DOCK4: variants seen among roughly 807,000 people sequenced by gnomAD.
DOCK4 encodes the protein dedicator of cytokinesis protein 4.
DOCK4 carries 97 observed loss-of-function variants against 268.1 expected under a neutral mutation model. That is an observed-to-expected ratio of 0.36 (90% CI 0.31 to 0.43). DOCK4 has a LOEUF of 0.43. DOCK4 is among the 20% of genes least tolerant of loss of function. The pLI is 1.00. For missense variants in DOCK4, 2,145 were observed against 2,455.7 expected, an observed-to-expected ratio of 0.87 and a Z score of 2.67; for synonymous variants, 954 against 887.2, an observed-to-expected ratio of 1.08 and a Z score of -1.34.
At chr7:111,747,245 A>C in intron 43 of DOCK4, 22 bp downstream of exon 43, 1 of 1,592,996 alleles carries the variant, frequency 6.3e-7, no homozygotes, top group South Asian at 1.1e-5. Context: ...CTTTCTCTGA[A>C]ACAACAATAC....
chr7:112,141,992 C>A (rs1814978991), intron 1 of DOCK4, among the ~76,000 whole-genome samples: 2 of 152,126 alleles, frequency 1.3e-5, no homozygotes, highest in South Asian at 4.1e-4. Context: ...CTACTTGCAA[C>A]TAATTCAAAT....
At chr7:111,778,701 G>C (rs1362874860) in intron 35 of DOCK4, among the ~76,000 whole-genome samples, 2 of 151,948 alleles carry the variant, frequency 1.3e-5, no homozygotes, top group East Asian at 3.9e-4. Flanking sequence ...TTTTAACTTG[G>C]CCGATTGATA....
chr7:112,056,122 C>G (rs112863031), intron 1 of DOCK4, among the ~76,000 whole-genome samples: 1 of 152,080 alleles, frequency 6.6e-6, no homozygotes, highest in Non-Finnish European at 1.5e-5. Context: ...GAAAGGGATA[C>G]GGCAGGTGAT....
intron 45 of DOCK4, 35 bp from the exon 46 acceptor site, chr7:111,741,696 T>C (rs376606033): frequency 6.2e-7 from 1 of 1,604,294 alleles, no homozygotes; most frequent in African/African-American, 1.3e-5. Context: ...CTCATTACAG[T>C]AATGATTTGG....
intron 11 of DOCK4, among the ~76,000 whole-genome samples, chr7:111,939,363 A>T (rs1027452771): frequency 6.6e-6 from 1 of 151,450 alleles, no homozygotes; most frequent in Non-Finnish European, 1.5e-5. Context: ...AAAATACAAA[A>T]AATTAGCTGG....
intron 44 of DOCK4, among the ~76,000 whole-genome samples, chr7:111,745,683 TAAAAAAAAAAAAAA>T (rs781530065): frequency 1.2e-3 from 60 of 49,616 alleles, no homozygotes; most frequent in Middle Eastern, 0.053. Flanking sequence ...GACTCCGTCT[TAAAAAAAAAAAAAA>T]AAAAAAAAAA....
At chr7:111,768,831 A>T (rs1797930597) in intron 37 of DOCK4, among the ~76,000 whole-genome samples, 1 of 152,222 alleles carries the variant, frequency 6.6e-6, no homozygotes, top group Non-Finnish European at 1.5e-5. Context: ...GGTTTTTCAG[A>T]GAATACAATA....
intron 31 of DOCK4, 134 bp downstream of exon 31, chr7:111,790,323 T>C: frequency 9.9e-7 from 1 of 1,006,280 alleles, no homozygotes; most frequent in Non-Finnish European, 1.4e-6. Flanking sequence ...GGCTTGGGAG[T>C]GGATAGGCCA....
chr7:112,173,355 T>C (rs772770095), intron 1 of DOCK4, among the ~76,000 whole-genome samples: 8 of 152,218 alleles, frequency 5.3e-5, no homozygotes, highest in Non-Finnish European at 8.8e-5. Flanking sequence ...GAAATGTCAC[T>C]TCCGGACAAT....
rs144093470 is a variant in DOCK4 at position 111,991,929 on chromosome 7, C to T, written c.315+2206G>A. On this transcript the variant is annotated intron_variant, in intron 5 of 52. Transcript: ENST00000428084. The stretch of plus-strand genomic sequence containing the variant: ...TGAGCCAAGATTGCGCCACTGCACT[C>T]CAGCCTGGGCAACAGAGAGAGACTC... Among the ~76,000 whole-genome samples the T allele has an allele frequency of 2.4e-3, 308 of 128,388 alleles. 5 individuals are homozygous for T. In the East Asian group the frequency reaches 0.061, roughly 26 times the overall value. 84.2% of individuals were successfully genotyped at this position (128,388 alleles called of 152,430 possible).
intron 1 of DOCK4, among the ~76,000 whole-genome samples, chr7:112,190,925 T>C (rs553509251): frequency 6.6e-6 from 1 of 152,280 alleles, no homozygotes; most frequent in South Asian, 2.1e-4. Flanking sequence ...AAGCAGAATG[T>C]GAAGCCCCAG....
chr7:111,867,416 G>A (rs554713915), intron 22 of DOCK4, among the ~76,000 whole-genome samples: 1 of 152,234 alleles, frequency 6.6e-6, no homozygotes, highest in East Asian at 1.9e-4. Flanking sequence ...ACATATTCAA[G>A]GCCATGCTAT....
chr7:111,876,651 T>C (rs950356297), intron 17 of DOCK4, among the ~76,000 whole-genome samples: 4 of 151,766 alleles, frequency 2.6e-5, no homozygotes, highest in Non-Finnish European at 4.4e-5. Context: ...AAAAGCAATA[T>C]GCATCTAATT....
chr7:111,828,193 G>T, intron 26 of DOCK4, among the ~76,000 whole-genome samples: 1 of 152,234 alleles, frequency 6.6e-6, no homozygotes, highest in East Asian at 1.9e-4. Context: ...ATAATATTAT[G>T]TTCTAGAGAA....
At chr7:111,926,460 GAGAAAAAGAAAGAAAGAA>G (rs1418002470) in intron 12 of DOCK4, among the ~76,000 whole-genome samples, 1 of 119,688 alleles carries the variant, frequency 8.4e-6, no homozygotes, top group Non-Finnish European at 1.8e-5. Context: ...GAGAGAGAAA[GAGAAAAAGAAAGAAAGAA>G]AGAAAAAGAA....
rs142185864 is a variant in DOCK4, at chr7:111,930,634, G to A, written c.1066+4906C>T. ...TTCTGTGGTCCAGAGAGAAAACAGCGGAAGTCAACATTATCTAACTGTTGT... is the reference window on the plus strand; with the variant it reads ...TTCTGTGGTCCAGAGAGAAAACAGCAGAAGTCAACATTATCTAACTGTTGT... On this transcript the variant is annotated intron_variant, in intron 12 of 52. Transcript: ENST00000428084. Among the ~76,000 whole-genome samples, 40 of 152,256 alleles carry A rather than the reference G, an allele frequency of 2.6e-4. No homozygotes were observed. The East Asian group carries it at 7.3e-3, about 28-fold the overall frequency.
At chr7:112,099,716 T>C (rs1390472751) in intron 1 of DOCK4, among the ~76,000 whole-genome samples, 1 of 152,208 alleles carries the variant, frequency 6.6e-6, no homozygotes, top group Non-Finnish European at 1.5e-5. Flanking sequence ...AACCTCATAA[T>C]ATGTGCATAT....
intron 7 of DOCK4, among the ~76,000 whole-genome samples, chr7:111,982,568 A>G (rs1798688258): frequency 6.6e-6 from 1 of 152,208 alleles, no homozygotes; most frequent in South Asian, 2.1e-4. Flanking sequence ...TTATTTCCCT[A>G]TTTAGTAGAT....
chr7:112,177,420 C>T (rs766504668), intron 1 of DOCK4, among the ~76,000 whole-genome samples: 10 of 152,176 alleles, frequency 6.6e-5, no homozygotes, highest in Non-Finnish European at 1.5e-4. Context: ...CAGAACTGTT[C>T]GTTTAATGGT....
Sources: allele counts gnomAD v4.1 joint callset (sites outside exome capture counted in the v4.1 genomes callset), GRCh38; gene constraint gnomAD v4.1.1; transcripts MANE v1.5; gene names NCBI Gene and HGNC (gene_info 2026-07-23, HGNC 2026-07-21).